The following HDLBP variants were observed in gnomAD, a reference collection of about 807,000 sequenced individuals.
HDLBP encodes vigilin.
Under a neutral mutation model 137.3 loss-of-function variants are expected in HDLBP, and 30 were observed. That is an observed-to-expected ratio of 0.22 (90% CI 0.16 to 0.30). The LOEUF (loss-of-function observed/expected upper bound fraction) is 0.30. HDLBP is among the 10% of genes least tolerant of loss of function. HDLBP has a pLI of 1.00. For synonymous variants in HDLBP, 606 were observed against 596.0 expected (o/e 1.02, Z -0.24); for missense variants, 1,119 against 1,667.3 (o/e 0.67, Z 5.73).
intron 7 of HDLBP, 120 bp from the exon 8 acceptor site, chr2:241,255,700 GAAGTGAACAAC>G: frequency 1.4e-6 from 1 of 735,962 alleles, no homozygotes; most frequent in Admixed American, 2.1e-5. Context: ...CTGATCCCAA[GAAGTGAACAAC>G]AAGTGATCAG....
chr2:241,250,166 C>T, intron 11 of HDLBP, 186 bp from the exon 12 acceptor site: 3 of 539,520 alleles, frequency 5.6e-6, no homozygotes, highest in Non-Finnish European at 9.6e-6. Flanking sequence ...ATGATCTTCA[C>T]CTGGATCACA....
At chr2:241,268,032 T>C in intron 2 of HDLBP, 3 of 888,412 alleles carry the variant, frequency 3.4e-6, no homozygotes, top group Non-Finnish European at 4.0e-6. Context: ...AGCTCCAAAC[T>C]ACTACAGTGA....
Position 241,229,639 on chromosome 2 carries a change from C to T in HDLBP, c.3769G>A (p.Val1257Met). The change falls in exon 28 of 28, where the codon GTG (valine) becomes ATG (methionine). Residue 1257 changes from valine (V) to methionine (M), a missense_variant. This residue lies in a region of HDLBP where 618 missense variants were observed against 816.7 expected (regional missense o/e 0.76). Transcript: ENST00000310931. The stretch of plus-strand genomic sequence containing the variant: ...CCCCAAGGGAGGGTCTTGGGAGCCA[C>T]CTGAGCCCCAAAGCTGGGAAATTCC... The part of the protein sequence containing the change: ...SEEFPSFGAQ[V>M]APKTLPWGPK... The T allele has an allele frequency of 6.2e-7, 1 of 1,614,128 alleles. No individual in the cohort carries two copies. Among genetic ancestry groups the T allele is most frequent in the Non-Finnish European group, 8.5e-7 (1 of 1,180,012 alleles).
rs1559505327 is a variant in HDLBP at position 241,253,040 on chromosome 2, A to G, written c.1294-5T>C. 1.2e-6 allele frequency: 2 copies of G among 1,601,806 alleles called. No individual in the cohort carries two copies. Among genetic ancestry groups the G allele is most frequent in the Admixed American group, 3.3e-5 (2 of 59,872 alleles). On this transcript the variant is annotated splice_polypyrimidine_tract_variant and splice_region_variant and intron_variant, in intron 10 of 27. Coordinates refer to ENST00000310931, the MANE Select transcript of HDLBP (RefSeq NM_005336.6). The stretch of plus-strand genomic sequence containing the variant: ...CACATAGTCCATCCGGTTAATCTGC[A>G]GGAGGAGCACAGAGGTCCATGGATG...
intron 1 of HDLBP, among the ~76,000 whole-genome samples, chr2:241,286,542 C>T (rs2149636087): frequency 6.6e-6 from 1 of 152,290 alleles, no homozygotes; most frequent in East Asian, 1.9e-4. Context: ...TCCTGCCTCT[C>T]CAGACCGAAC....
intron 16 of HDLBP, among the ~76,000 whole-genome samples, chr2:241,245,887 G>A (rs1160444806): frequency 6.6e-6 from 1 of 152,160 alleles, no homozygotes; most frequent in African/African-American, 2.4e-5. Context: ...ATTTTATAAT[G>A]GCACAGATTA....
At chr2:241,310,521 CT>C (rs1354372447) in intron 1 of HDLBP, among the ~76,000 whole-genome samples, 2 of 151,942 alleles carry the variant, frequency 1.3e-5, no homozygotes, top group Non-Finnish European at 2.9e-5. Flanking sequence ...TTTGTACCCC[CT>C]AAATATGTAC....
At position 241,239,999 on chromosome 2, in the gene HDLBP, C is replaced by G. The variant is rs1159214190; in HGVS notation, c.2293G>C (p.Ala765Pro). Residue 765 changes from alanine (A) to proline (P), a missense_variant, in exon 18 of 28, where the codon GCG becomes CCG. Transcript: ENST00000310931. This position sits in a 1 kb window ranked among gnomAD's most constrained non-coding sequence, Gnocchi z 4.6. ...DSTGARVIFPAAEDKDQDLIT... is the reference protein window; with the variant it reads ...DSTGARVIFPPAEDKDQDLIT... ...AGGTCCTGGTCCTTGTCCTCAGCCG[C>G]AGGGAAGATGACACGTGCTCCAGTG... 1.2e-6 allele frequency: 2 copies of G among 1,614,084 alleles called. No homozygotes were observed. The highest frequency in any genetic ancestry group is 1.7e-6 in the Non-Finnish European group (2 of 1,180,044).
In HDLBP at chr2:241,239,006, C is replaced by T. The variant is rs2070908510; in HGVS notation, c.2611-219G>A. On this transcript the variant is annotated intron_variant, in intron 19 of 27. Coordinates refer to ENST00000310931, the MANE Select transcript of HDLBP (RefSeq NM_005336.6). The surrounding 1 kb of genome is among the most constrained non-coding windows in gnomAD (Gnocchi z 4.6). ...CTCCTCTGAAATGTGTCCCAGAAGGCCAGGTGCCATCCCTGGAGGGTGGCC... is the reference window on the plus strand; with the variant it reads ...CTCCTCTGAAATGTGTCCCAGAAGGTCAGGTGCCATCCCTGGAGGGTGGCC... Among the ~76,000 whole-genome samples the T allele has an allele frequency of 6.6e-6, 1 of 152,180 alleles. No individual in the cohort carries two copies. Among genetic ancestry groups the T allele is most frequent in the Admixed American group, 6.5e-5 (1 of 15,290 alleles).
rs1254872345 is a variant in HDLBP at position 241,278,724 on chromosome 2, C to CAATA, written c.-102-10187_-102-10184dup. 2.5e-4 allele frequency among the ~76,000 whole-genome samples: 38 copies of CAATA among 152,270 alleles called. 2 individuals carry two copies. In the Middle Eastern group the frequency reaches 0.01, roughly 41 times the overall value. On this transcript the variant is annotated intron_variant, in intron 1 of 27. Coordinates refer to ENST00000310931, the MANE Select transcript of HDLBP (RefSeq NM_005336.6). ...AACCAAAACTGCCAGTATTCACAGA[C>CAATA]AATATAACTGTGCTGGAAGAAAATC... is the stretch of plus-strand genomic sequence containing the variant.
intron 3 of HDLBP, among the ~76,000 whole-genome samples, chr2:241,264,998 C>T (rs1264280581): frequency 6.6e-6 from 1 of 152,248 alleles, no homozygotes; most frequent in Non-Finnish European, 1.5e-5. Context: ...AAAATCACAA[C>T]TATGGCAATG....
chr2:241,254,309 C>T (rs2072445090), intron 9 of HDLBP, among the ~76,000 whole-genome samples: 1 of 152,024 alleles, frequency 6.6e-6, no homozygotes, highest in African/African-American at 2.4e-5. Flanking sequence ...TTAAAAAGGA[C>T]TGTAACATTA....
chr2:241,236,368 C>T, intron 21 of HDLBP: 1 of 540,464 alleles, frequency 1.9e-6, no homozygotes, highest in South Asian at 2.2e-5. Context: ...GCCTGAGAGG[C>T]CGGATCCCAT....
intron 16 of HDLBP, among the ~76,000 whole-genome samples, chr2:241,243,284 C>T (rs922523160): frequency 8.5e-5 from 13 of 152,164 alleles, no homozygotes; most frequent in Non-Finnish European, 1.3e-4. Context: ...CTCTGAGATC[C>T]GGAGACCAGC....
intron 1 of HDLBP, chr2:241,273,651 C>G (rs1574999633): frequency 1.0e-6 from 1 of 985,312 alleles, no homozygotes; most frequent in Non-Finnish European, 1.2e-6. Flanking sequence ...CGCAGGTCAA[C>G]AGAATCCTGC....
At chr2:241,312,557 C>G (rs1281082214) in intron 1 of HDLBP, among the ~76,000 whole-genome samples, 1 of 152,148 alleles carries the variant, frequency 6.6e-6, no homozygotes, top group East Asian at 1.9e-4. Context: ...TCTACTTGGT[C>G]AAAAACCTTT....
chr2:241,236,941 G>A (rs550159727), intron 20 of HDLBP, among the ~76,000 whole-genome samples, 172 bp from the exon 21 acceptor site: 16 of 139,866 alleles, frequency 1.1e-4, no homozygotes, highest in South Asian at 7.6e-4. Context: ...CAGATAGGAC[G>A]TCCCCACAGC....
chr2:241,269,742 A>G (rs1435148987), intron 1 of HDLBP, among the ~76,000 whole-genome samples: 1 of 152,238 alleles, frequency 6.6e-6, no homozygotes, highest in Admixed American at 6.5e-5. Flanking sequence ...GTGTCAGATT[A>G]GCACATTCAC....
intron 1 of HDLBP, among the ~76,000 whole-genome samples, chr2:241,303,385 C>T (rs1346246582): frequency 6.6e-6 from 1 of 152,144 alleles, no homozygotes; most frequent in Non-Finnish European, 1.5e-5. Flanking sequence ...CAACAGGACG[C>T]TGGAAGACTG....
Sources: gnomAD v4.1 joint callset for allele counts (sites outside exome capture counted in the v4.1 genomes callset) on GRCh38, gnomAD v4.1.1 for gene constraint, gnomAD v4.1.1 regional missense constraint, Gnocchi (gnomAD v3.1) non-coding constraint, MANE v1.5 for transcripts, NCBI Gene and HGNC (gene_info 2026-07-23, HGNC 2026-07-21) for gene names.